RUNDC3B: variants seen among roughly 807,000 people sequenced by gnomAD.
The protein encoded by RUNDC3B is RUN domain containing 3B, also known as RUN domain-containing protein 3B.
Under a neutral mutation model 58.4 loss-of-function variants are expected in RUNDC3B, and 33 were observed. The observed-to-expected ratio is 0.56, with a 90% CI of 0.43 to 0.75. The LOEUF is 0.75. RUNDC3B is among the 30% of genes least tolerant of loss of function. The probability of loss-of-function intolerance (pLI) is 0.00; values close to 1 mark genes in which losing one functional copy is unlikely to be tolerated. For missense variants in RUNDC3B, 501 were observed against 535.7 expected (o/e 0.94, Z 0.64); for synonymous variants, 193 against 195.2 (o/e 0.99, Z 0.10).
At chr7:87,796,317 G>A (rs1471407084) in intron 8 of RUNDC3B, among the ~76,000 whole-genome samples, 6 of 152,138 alleles carry the variant, frequency 3.9e-5, no homozygotes, top group Non-Finnish European at 8.8e-5. Flanking sequence ...GGGAAGAGTA[G>A]TGAGGGGGGT....
At chr7:87,737,084 T>C (rs2130805396) in intron 4 of RUNDC3B, among the ~76,000 whole-genome samples, 1 of 150,618 alleles carries the variant, frequency 6.6e-6, no homozygotes, top group African/African-American at 2.4e-5. Flanking sequence ...ATTTTTTGTA[T>C]AGGTGGGTTT....
At chr7:87,690,561 C>A (rs1312443089) in intron 2 of RUNDC3B, among the ~76,000 whole-genome samples, 1 of 152,094 alleles carries the variant, frequency 6.6e-6, no homozygotes, top group Non-Finnish European at 1.5e-5. Context: ...ATTTTAACTT[C>A]AGAACCTGTT....
chr7:87,690,155 G>C (rs1827878317), intron 2 of RUNDC3B, among the ~76,000 whole-genome samples: 1 of 151,890 alleles, frequency 6.6e-6, no homozygotes, highest in African/African-American at 2.4e-5. Context: ...ATAAGAACCT[G>C]AGATGACCCT....
chr7:87,707,516 A>C (rs1585160457), intron 3 of RUNDC3B, among the ~76,000 whole-genome samples: 1 of 152,128 alleles, frequency 6.6e-6, no homozygotes, highest in Non-Finnish European at 1.5e-5. Context: ...TCCACAAAAA[A>C]TACAAAAATT....
rs1401474191 is a variant in RUNDC3B at position 87,722,999 on chromosome 7, T to C, written c.458+12344T>C. On this transcript the variant is annotated intron_variant, in intron 4 of 10. Transcript: ENST00000394654. ...TGAAGTTGTAGTTCCATATTGTTTT[T>C]TTCTGCAGATTCTCACAGTTGTCAA... 2.6e-5 allele frequency among the ~76,000 whole-genome samples: 4 copies of C among 152,320 alleles called. No homozygotes were observed. In the East Asian group the frequency reaches 7.7e-4, roughly 29 times the overall value.
rs138676045 is a variant in RUNDC3B, at chr7:87,816,224, G to C, written c.1187G>C (p.Gly396Ala). 1 of 1,611,630 alleles carries C rather than the reference G, an allele frequency of 6.2e-7. No homozygotes were observed. Among genetic ancestry groups the C allele is most frequent in the Admixed American group, 1.7e-5 (1 of 59,930 alleles). Residue 396 changes from glycine to alanine, a missense_variant, in exon 10 of 11, where the codon GGA becomes GCA. By Grantham distance (60) the Gly-to-Ala change is moderately conservative. Transcript: ENST00000394654. ...CTAGATCCAGGCCAGTCACAAGAAG[G>C]AGATGGAAAACAAGACACATTAAAT... The part of the protein sequence containing the change: ...TSLDPGQSQE[G>A]DGKQDTLNVM...
chr7:87,750,035 C>A (rs377085145), intron 6 of RUNDC3B, among the ~76,000 whole-genome samples: 1 of 151,964 alleles, frequency 6.6e-6, no homozygotes, highest in Non-Finnish European at 1.5e-5. Context: ...CCTCTCCCCC[C>A]ACCCCACAAC....
intron 1 of RUNDC3B, among the ~76,000 whole-genome samples, chr7:87,635,080 G>A (rs1431343133): frequency 6.6e-6 from 1 of 152,160 alleles, no homozygotes; most frequent in African/African-American, 2.4e-5. Flanking sequence ...GTTGCTGCTT[G>A]ATAATTGTCA....
At chr7:87,642,027 TG>T (rs1404766138) in intron 1 of RUNDC3B, among the ~76,000 whole-genome samples, 4 of 151,992 alleles carry the variant, frequency 2.6e-5, no homozygotes, top group African/African-American at 9.7e-5. Context: ...AATTTATACG[TG>T]GACGATATGC....
At chr7:87,631,157 G>C (rs1821172748) in intron 1 of RUNDC3B, among the ~76,000 whole-genome samples, 1 of 152,100 alleles carries the variant, frequency 6.6e-6, no homozygotes, top group African/African-American at 2.4e-5. Flanking sequence ...ATAGTTGATG[G>C]TGCATGTAAA....
intron 6 of RUNDC3B, among the ~76,000 whole-genome samples, chr7:87,764,636 T>C (rs1424823388): frequency 6.6e-6 from 1 of 151,876 alleles, no homozygotes; most frequent in Non-Finnish European, 1.5e-5. Flanking sequence ...TGTGAGAATA[T>C]GTAGTATTTG....
intron 6 of RUNDC3B, among the ~76,000 whole-genome samples, chr7:87,743,488 G>T (rs1186948577): frequency 1.3e-5 from 2 of 152,060 alleles, no homozygotes; most frequent in East Asian, 1.9e-4. Context: ...ACTGTTTTTT[G>T]ATTTTTTTTA....
intron 4 of RUNDC3B, among the ~76,000 whole-genome samples, chr7:87,737,466 GAGA>G (rs900414985): frequency 2.0e-5 from 3 of 152,052 alleles, no homozygotes; most frequent in African/African-American, 4.8e-5. Flanking sequence ...GTTTGCATAA[GAGA>G]AGAAATTAAT....
intron 9 of RUNDC3B, among the ~76,000 whole-genome samples, chr7:87,812,792 T>A (rs1563226025): frequency 6.6e-6 from 1 of 152,220 alleles, no homozygotes. Context: ...TTAATGTATC[T>A]GCTGAGTTAC....
intron 6 of RUNDC3B, among the ~76,000 whole-genome samples, chr7:87,747,025 T>C (rs1277091949): frequency 1.3e-5 from 2 of 152,180 alleles, no homozygotes; most frequent in Non-Finnish European, 2.9e-5. Flanking sequence ...GCTAGTATGA[T>C]TTTTTGGGTG....
At chr7:87,721,928 G>A (rs1275036469) in intron 4 of RUNDC3B, among the ~76,000 whole-genome samples, 1 of 151,738 alleles carries the variant, frequency 6.6e-6, no homozygotes, top group Non-Finnish European at 1.5e-5. Context: ...TCTGTAAAAT[G>A]TTACCTTTAT....
At chr7:87,753,299 T>C (rs1833138746) in intron 6 of RUNDC3B, among the ~76,000 whole-genome samples, 1 of 151,810 alleles carries the variant, frequency 6.6e-6, no homozygotes, top group Non-Finnish European at 1.5e-5. Context: ...TCCAAGTATG[T>C]GGTCAATTTT....
At chr7:87,792,969 G>C (rs544887958) in intron 8 of RUNDC3B, among the ~76,000 whole-genome samples, 1 of 151,878 alleles carries the variant, frequency 6.6e-6, no homozygotes, top group Non-Finnish European at 1.5e-5. Flanking sequence ...GAAGAAAAAA[G>C]GGAGAAGACC....
intron 8 of RUNDC3B, among the ~76,000 whole-genome samples, chr7:87,791,239 T>A (rs1835506173): frequency 6.6e-6 from 1 of 152,034 alleles, no homozygotes; most frequent in Non-Finnish European, 1.5e-5. Context: ...CCAATGAAAA[T>A]ATCCTTCAAA....
Sources: allele counts gnomAD v4.1 joint callset (sites outside exome capture counted in the v4.1 genomes callset), GRCh38; gene constraint gnomAD v4.1.1; transcripts MANE v1.5; gene names NCBI Gene and HGNC (gene_info 2026-07-23, HGNC 2026-07-21).